The following ITGA9 variants were observed in gnomAD, a reference collection of about 807,000 sequenced individuals.
ITGA9 encodes integrin subunit alpha 9.
A neutral mutation model predicts 127.8 loss-of-function variants in ITGA9; 56 were observed. The observed-to-expected ratio is 0.44, with a 90% CI of 0.35 to 0.55. The LOEUF (loss-of-function observed/expected upper bound fraction) is 0.55. ITGA9 is among the 20% of genes least tolerant of loss of function. The probability of loss-of-function intolerance (pLI) is 0.00; values close to 1 mark genes in which losing one functional copy is unlikely to be tolerated. For synonymous variants in ITGA9, 508 were observed against 514.5 expected, an observed-to-expected ratio of 0.99 and a Z score of 0.17; for missense variants, 1,196 against 1,347.1, an observed-to-expected ratio of 0.89 and a Z score of 1.76.
intron 20 of ITGA9, among the ~76,000 whole-genome samples, chr3:37,741,286 AC>A (rs1276787481): frequency 2.8e-5 from 2 of 71,878 alleles, no homozygotes; most frequent in African/African-American, 1.1e-4. Context: ...CCCCACCCCC[AC>A]CCCCAGCAGC....
At chr3:37,466,710 C>T (rs1437158368) in intron 1 of ITGA9, among the ~76,000 whole-genome samples, 1 of 152,082 alleles carries the variant, frequency 6.6e-6, no homozygotes, top group African/African-American at 2.4e-5. Flanking sequence ...TGGGCTGGGG[C>T]CTAAGATTCT....
chr3:37,686,949 C>G (rs867097907), intron 18 of ITGA9, among the ~76,000 whole-genome samples: 9 of 152,176 alleles, frequency 5.9e-5, no homozygotes, highest in Admixed American at 2.0e-4. Context: ...GAGAGCCCCC[C>G]CAACCTGCTT....
In ITGA9 at chr3:37,518,255, C is replaced by T. The variant is rs1028452104; in HGVS notation, c.1141+646C>T. Among the ~76,000 whole-genome samples, 152 of 152,152 alleles carry T rather than the reference C, an allele frequency of 1.0e-3. 1 individual carries two copies. Among genetic ancestry groups the T allele is most frequent in the Non-Finnish European group, 3.2e-4 (22 of 68,030 alleles). On this transcript the variant is annotated intron_variant, in intron 10 of 27. Transcript: ENST00000264741. The stretch of plus-strand genomic sequence containing the variant: ...CGCTGCATACACAGCATACAGACGT[C>T]GGGAGGCAGAGCAACCATGTCACCA...
intron 23 of ITGA9, among the ~76,000 whole-genome samples, chr3:37,761,707 A>C (rs1696725065): frequency 1.3e-5 from 2 of 152,218 alleles, no homozygotes; most frequent in South Asian, 4.1e-4. Flanking sequence ...AGTGGGGTTC[A>C]CTGTGAAATA....
At chr3:37,643,072 G>A (rs920991939) in intron 16 of ITGA9, among the ~76,000 whole-genome samples, 3 of 152,190 alleles carry the variant, frequency 2.0e-5, no homozygotes, top group African/African-American at 7.2e-5. Context: ...CACTCCAGAC[G>A]TCAGAACCAG....
chr3:37,694,524 A>G (rs1303631257), intron 18 of ITGA9, among the ~76,000 whole-genome samples: 2 of 152,244 alleles, frequency 1.3e-5, no homozygotes, highest in African/African-American at 2.4e-5. Flanking sequence ...GCTTTCACGT[A>G]TATGAAAAGC....
At chr3:37,527,040 G>A (rs544066727) in intron 13 of ITGA9, among the ~76,000 whole-genome samples, 3 of 152,336 alleles carry the variant, frequency 2.0e-5, no homozygotes, top group South Asian at 4.1e-4. Context: ...CCAGGTGGCC[G>A]GGTTCCAGCC....
At chr3:37,542,762 T>G (rs925004309) in intron 15 of ITGA9, among the ~76,000 whole-genome samples, 177 bp downstream of exon 15, 2 of 152,228 alleles carry the variant, frequency 1.3e-5, no homozygotes, top group African/African-American at 4.8e-5. Context: ...GCCCTTTTAT[T>G]TATCTTACTG....
intron 15 of ITGA9, among the ~76,000 whole-genome samples, chr3:37,604,657 C>T (rs1320826457): frequency 6.6e-6 from 1 of 152,186 alleles, no homozygotes; most frequent in Non-Finnish European, 1.5e-5. Context: ...TACTGAATGT[C>T]CCTTCTCTTT....
At position 37,711,384 on chromosome 3, in the gene ITGA9, C is replaced by T. The variant is rs530575839; in HGVS notation, c.2068-21328C>T. ...AGAAGCTCGCCTTTCCATGACCTCT[C>T]AGAAGTCACATAGCATCACTTCTGC... On this transcript the variant is annotated intron_variant, in intron 18 of 27. Coordinates refer to ENST00000264741, the MANE Select transcript of ITGA9 (RefSeq NM_002207.3). Among the ~76,000 whole-genome samples the T allele has an allele frequency of 5.9e-5, 9 of 152,294 alleles. No individual in the cohort carries two copies. The South Asian group carries it at 1.9e-3, about 32-fold the overall frequency.
At chr3:37,774,125 G>T (rs181783664) in intron 23 of ITGA9, among the ~76,000 whole-genome samples, 1 of 152,192 alleles carries the variant, frequency 6.6e-6, no homozygotes, top group East Asian at 1.9e-4. Flanking sequence ...GCCCACTTGC[G>T]TAGCACTGCA....
At chr3:37,615,299 C>CA (rs1446751621) in intron 15 of ITGA9, among the ~76,000 whole-genome samples, 4 of 152,202 alleles carry the variant, frequency 2.6e-5, no homozygotes, top group Non-Finnish European at 5.9e-5. Context: ...ACCAGCCTTG[C>CA]ATCCCAGGGA....
At chr3:37,695,502 G>A (rs1452678005) in intron 18 of ITGA9, among the ~76,000 whole-genome samples, 1 of 152,218 alleles carries the variant, frequency 6.6e-6, no homozygotes, top group Non-Finnish European at 1.5e-5. Flanking sequence ...TCTGAATTGG[G>A]GAATTGACAT....
At chr3:37,576,163 G>A (rs564239782) in intron 15 of ITGA9, among the ~76,000 whole-genome samples, 2 of 152,280 alleles carry the variant, frequency 1.3e-5, no homozygotes, top group Admixed American at 1.3e-4. Flanking sequence ...CCTCAAGGGC[G>A]TCATCCTCCA....
chr3:37,579,699 C>A (rs1360912663), intron 15 of ITGA9, among the ~76,000 whole-genome samples: 1 of 152,138 alleles, frequency 6.6e-6, no homozygotes, highest in Non-Finnish European at 1.5e-5. Flanking sequence ...ATGTGTGAAC[C>A]TTAATATATT....
Position 37,814,381 on chromosome 3 carries a change from C to T in ITGA9, c.3010-4510C>T, listed in dbSNP as rs2125567216. On this transcript the variant is annotated intron_variant, in intron 27 of 27. Transcript: ENST00000264741. The surrounding 1 kb of genome is among the most constrained non-coding windows in gnomAD (Gnocchi z 4.3). ...AGGAGTTCAAGATCAGCCTGGCCAA[C>T]ATGGTGAAACCCCATCTCTACCAAA... Among the ~76,000 whole-genome samples the T allele has an allele frequency of 6.6e-6, 1 of 152,318 alleles. No homozygotes were observed. Among genetic ancestry groups the T allele is most frequent in the Middle Eastern group, 3.4e-3 (1 of 294 alleles).
chr3:37,554,297 A>G (rs1328492307), intron 15 of ITGA9, among the ~76,000 whole-genome samples: 1 of 152,088 alleles, frequency 6.6e-6, no homozygotes, highest in East Asian at 1.9e-4. Flanking sequence ...CTGGGGAGTT[A>G]GCACAGCGGG....
chr3:37,588,517 C>A (rs984276192), intron 15 of ITGA9, among the ~76,000 whole-genome samples: 2 of 152,184 alleles, frequency 1.3e-5, no homozygotes, highest in Non-Finnish European at 2.9e-5. Context: ...CCAACATGGA[C>A]CCTGAAGGAG....
intron 18 of ITGA9, among the ~76,000 whole-genome samples, chr3:37,687,259 G>A (rs1700790932): frequency 6.6e-6 from 1 of 152,118 alleles, no homozygotes; most frequent in Admixed American, 6.5e-5. Context: ...GGAAATCAGT[G>A]GCAGAATTAA....
Sources: gnomAD v4.1 joint callset for allele counts (sites outside exome capture counted in the v4.1 genomes callset) on GRCh38, gnomAD v4.1.1 for gene constraint, Gnocchi (gnomAD v3.1) non-coding constraint, MANE v1.5 for transcripts, NCBI Gene and HGNC (gene_info 2026-07-23, HGNC 2026-07-21) for gene names.